MTM1: variants seen among roughly 807,000 people sequenced by gnomAD.
The protein encoded by MTM1 is myotubularin 1.
A neutral mutation model predicts 52.1 loss-of-function variants in MTM1; 9 were observed. That is an observed-to-expected ratio of 0.17 (90% CI 0.10 to 0.30). The LOEUF is 0.30. Ranked by LOEUF, MTM1 falls within the 10% of genes least tolerant of loss-of-function variation. MTM1 has a pLI of 1.00. For synonymous variants in MTM1, 136 were observed against 163.8 expected, an observed-to-expected ratio of 0.83 and a Z score of 1.29; for missense variants, 277 against 470.7, an observed-to-expected ratio of 0.59 and a Z score of 3.81.
intron 6 of MTM1, among the ~76,000 whole-genome samples, chrX:150,634,289 T>C (rs1178590182): frequency 8.9e-6 from 1 of 112,513 alleles, no homozygotes; most frequent in Non-Finnish European, 1.9e-5. Context: ...AGAATTAACA[T>C]TTATAGATTC....
At chrX:150,567,802 C>G (rs2038283507), upstream of MTM1, among the ~76,000 whole-genome samples, 1 of 112,331 alleles carries the variant, frequency 8.9e-6, no homozygotes, top group East Asian at 2.8e-4. Context: ...GATCCGCCTG[C>G]GTTGGCCTCC....
intron 1 of MTM1, among the ~76,000 whole-genome samples, chrX:150,587,643 C>T (rs907186009): frequency 1.8e-5 from 2 of 111,398 alleles, no homozygotes; most frequent in African/African-American, 3.3e-5. Flanking sequence ...TGGTTGAGGA[C>T]GTCTCAAGGT....
At chrX:150,599,121 A>C (rs1051247658) in intron 4 of MTM1, among the ~76,000 whole-genome samples, 3 of 112,896 alleles carry the variant, frequency 2.7e-5, no homozygotes, top group Admixed American at 9.3e-5. Flanking sequence ...CTAAAATATC[A>C]CAGAGGAAGA....
At chrX:150,663,952 A>C (rs1046652919) in intron 14 of MTM1, among the ~76,000 whole-genome samples, 6 of 111,777 alleles carry the variant, frequency 5.4e-5, no homozygotes. Flanking sequence ...CATTGACTAG[A>C]CTTAGATGAT....
chrX:150,655,615 G>A (rs1557414377), intron 10 of MTM1, among the ~76,000 whole-genome samples: 1 of 112,125 alleles, frequency 8.9e-6, no homozygotes. Context: ...TTGAAAACAT[G>A]ATGCTAAGTG....
intron 7 of MTM1, 58 bp downstream of exon 7, chrX:150,639,084 AG>A: frequency 4.4e-6 from 4 of 917,163 alleles, no homozygotes; most frequent in Non-Finnish European, 6.4e-6. Flanking sequence ...GCATTATGAC[AG>A]TATGTCATCA....
chrX:150,636,466 G>A (rs1557413710), intron 6 of MTM1, among the ~76,000 whole-genome samples: 1 of 111,979 alleles, frequency 8.9e-6, no homozygotes, highest in East Asian at 2.8e-4. Context: ...TGAAAATGCT[G>A]CTTGAAAGTT....
intron 1 of MTM1, among the ~76,000 whole-genome samples, chrX:150,583,677 A>ATAT (rs1382178935): frequency 6.1e-4 from 22 of 35,786 alleles, no homozygotes; most frequent in Non-Finnish European, 8.0e-4. Context: ...TTTATATATA[A>ATAT]ATAATTTGTA....
intron 10 of MTM1, 120 bp downstream of exon 10, chrX:150,650,021 G>C: frequency 1.7e-6 from 1 of 586,932 alleles, no homozygotes. Context: ...TTGTAGTAGA[G>C]GACCACATTT....
At chrX:150,592,333 T>G (rs371306320) in intron 1 of MTM1, among the ~76,000 whole-genome samples, 20 of 111,482 alleles carry the variant, frequency 1.8e-4, no homozygotes, top group African/African-American at 5.5e-4. Flanking sequence ...TCCTGGAATG[T>G]GTATGGCGTC....
intron 1 of MTM1, among the ~76,000 whole-genome samples, chrX:150,575,201 A>G (rs2038449281): frequency 8.9e-6 from 1 of 112,698 alleles, no homozygotes; most frequent in Non-Finnish European, 1.9e-5. Context: ...CTGGCTTTTC[A>G]GAGCTGGTGC....
At chrX:150,578,825 CTT>C (rs1294005815) in intron 1 of MTM1, among the ~76,000 whole-genome samples, 14 of 101,281 alleles carry the variant, frequency 1.4e-4, no homozygotes, top group Non-Finnish European at 1.8e-4. Flanking sequence ...AGTACTGCAA[CTT>C]TTTTTTTTTT....
chrX:150,588,047 T>A (rs946222665), intron 1 of MTM1, among the ~76,000 whole-genome samples: 4 of 111,571 alleles, frequency 3.6e-5, no homozygotes, highest in Admixed American at 1.9e-4. Context: ...TGAGCACCAC[T>A]GCCAAAGAGA....
chrX:150,656,654 C>T lies in MTM1; in HGVS notation c.1054-1167C>T, dbSNP rs186955485. Among the ~76,000 whole-genome samples, 217 of 111,929 alleles carry T rather than the reference C, an allele frequency of 1.9e-3. 1 individual carries two copies. The highest frequency in any genetic ancestry group is 6.8e-3 in the African/African-American group (209 of 30,824). Reference sequence around the variant, plus strand: ...ACCTGGGCACATTCAAATGCAGTGTCTGCAGCAAAAGTAACTATCATCAGA... The same window carrying T: ...ACCTGGGCACATTCAAATGCAGTGTTTGCAGCAAAAGTAACTATCATCAGA... On this transcript the variant is annotated intron_variant, in intron 10 of 14. Coordinates refer to ENST00000370396, the MANE Select transcript of MTM1 (RefSeq NM_000252.3).
chrX:150,635,659 T>C (rs2039742936), intron 6 of MTM1, among the ~76,000 whole-genome samples: 2 of 111,848 alleles, frequency 1.8e-5, no homozygotes, highest in African/African-American at 6.5e-5. Context: ...TCCAACTTTA[T>C]GTTACTCTGA....
chrX:150,653,902 A>G (rs1426506935), intron 10 of MTM1, among the ~76,000 whole-genome samples: 3 of 111,839 alleles, frequency 2.7e-5, no homozygotes, highest in South Asian at 7.5e-4. Context: ...TGAGCACTTT[A>G]TGGGGAGCAT....
At chrX:150,654,850 T>C (rs1242624229) in intron 10 of MTM1, among the ~76,000 whole-genome samples, 4 of 111,824 alleles carry the variant, frequency 3.6e-5, no homozygotes, top group Non-Finnish European at 7.5e-5. Flanking sequence ...AATACATGTC[T>C]GTTGCATGGC....
At chrX:150,564,632 C>T (rs1557411160), upstream of MTM1, among the ~76,000 whole-genome samples, 1 of 111,841 alleles carries the variant, frequency 8.9e-6, no homozygotes, top group Non-Finnish European at 1.9e-5. Context: ...CCACCCACCT[C>T]GGCCTCCCAA....
In MTM1 at chrX:150,663,882, A is replaced by AT. The variant is rs1458360245; in HGVS notation, c.1644+276dup. ...AAAATTTGAGTTTTCATAGCCAGAG[A>AT]TTTCCTTTGATCACTTGAAGTAGTT... On this transcript the variant is annotated intron_variant, in intron 14 of 14. Coordinates refer to ENST00000370396, the MANE Select transcript of MTM1 (RefSeq NM_000252.3). 2.7e-5 allele frequency among the ~76,000 whole-genome samples: 3 copies of AT among 111,696 alleles called. No individual in the cohort carries two copies. The East Asian group carries it at 8.4e-4, about 31-fold the overall frequency.
Sources: allele counts gnomAD v4.1 joint callset (sites outside exome capture counted in the v4.1 genomes callset), GRCh38; gene constraint gnomAD v4.1.1; transcripts MANE v1.5; gene names NCBI Gene and HGNC (gene_info 2026-07-23, HGNC 2026-07-21).